Variants in MB21D2 observed in about 807,000 individuals in gnomAD.
MB21D2 encodes the protein nucleotidyltransferase MB21D2.
Under a neutral mutation model 33.3 loss-of-function variants are expected in MB21D2, and 9 were observed. The observed-to-expected ratio is 0.27, with a 90% CI of 0.16 to 0.47. The LOEUF is 0.47. Among genes scored for constraint, MB21D2 ranks in the 20% least tolerant of loss-of-function variants. MB21D2 has a pLI of 0.99. For synonymous variants in MB21D2, 241 were observed against 236.3 expected (o/e 1.02, Z -0.18); for missense variants, 540 against 624.6 (o/e 0.86, Z 1.44).
At chr3:192,877,554 G>C (rs1345948253) in intron 1 of MB21D2, among the ~76,000 whole-genome samples, 1 of 152,140 alleles carries the variant, frequency 6.6e-6, no homozygotes, top group African/African-American at 2.4e-5. Flanking sequence ...TTGGCCACCA[G>C]TGTCAGTGAC....
chr3:192,821,844 A>G (rs1024549271), intron 1 of MB21D2, among the ~76,000 whole-genome samples: 1 of 152,176 alleles, frequency 6.6e-6, no homozygotes, highest in African/African-American at 2.4e-5. Context: ...ACAGGGAGGC[A>G]GCAAGAGGCA....
intron 1 of MB21D2, among the ~76,000 whole-genome samples, chr3:192,829,569 A>C (rs945081005): frequency 5.9e-5 from 9 of 152,196 alleles, no homozygotes; most frequent in African/African-American, 2.2e-4. Context: ...TCAATGCCTC[A>C]TGTGTGCATT....
chr3:192,822,151 C>A (rs1167039476), intron 1 of MB21D2, among the ~76,000 whole-genome samples: 1 of 150,248 alleles, frequency 6.7e-6, no homozygotes, highest in Non-Finnish European at 1.5e-5. Context: ...ATTAAATGTG[C>A]CACAAACAAG....
In MB21D2 at chr3:192,824,492, AAAATAAATAAAT is replaced by A. The variant is rs61642372; in HGVS notation, c.212-24854_212-24843del. 2.2e-3 allele frequency among the ~76,000 whole-genome samples: 320 copies of A among 147,588 alleles called. 1 individual carries two copies. The highest frequency in any genetic ancestry group is 6.4e-3 in the African/African-American group (255 of 39,786). ...TAGCCATTACATGGTCTGATTTCTG[AAAATAAATAAAT>A]AAATAAATAAATAAATAAATAAATA... is the stretch of plus-strand genomic sequence containing the variant. On this transcript the variant is annotated intron_variant, in intron 1 of 1. Coordinates refer to ENST00000392452, the MANE Select transcript of MB21D2 (RefSeq NM_178496.4).
At chr3:192,824,627 A>G (rs1164085163) in intron 1 of MB21D2, among the ~76,000 whole-genome samples, 2 of 152,240 alleles carry the variant, frequency 1.3e-5, no homozygotes, top group Non-Finnish European at 2.9e-5. Context: ...AGCTGTTTAT[A>G]AAGAGGCGCT....
intron 1 of MB21D2, among the ~76,000 whole-genome samples, chr3:192,872,352 A>G (rs6802575): frequency 0.61 from 93,279 of 151,876 alleles, 30,609 homozygotes; most frequent in African/African-American, 0.85. Context: ...CGAGGCGGGC[A>G]GATCACGAGG....
Position 192,799,054 on chromosome 3 carries a change from C to T in MB21D2, c.808G>A (p.Gly270Arg), listed in dbSNP as rs546475243. 2 of 1,614,068 alleles carry T rather than the reference C, an allele frequency of 1.2e-6. No individual in the cohort carries two copies. The highest frequency in any genetic ancestry group is 4.5e-5 in the East Asian group (2 of 44,852). The stretch of plus-strand genomic sequence containing the variant: ...GAGCAAGCAGGCACCAAGTAAAACC[C>T]ACTGATGACCTCTTCCTCAGTAATC... ...GKITEEEVIS[G>R]FYLVPACSYK... Residue 270 changes from glycine (G) to arginine (R), a missense_variant, in exon 2 of 2, where the codon GGG (glycine) becomes AGG (arginine). By Grantham distance (125) the Gly-to-Arg change is moderately radical (BLOSUM62 -2). Coordinates refer to ENST00000392452, the MANE Select transcript of MB21D2 (RefSeq NM_178496.4). The surrounding 1 kb of genome is among the most constrained non-coding windows in gnomAD (Gnocchi z 4.1).
chr3:192,864,992 A>G (rs752044372), intron 1 of MB21D2, among the ~76,000 whole-genome samples: 5 of 152,212 alleles, frequency 3.3e-5, no homozygotes, highest in Non-Finnish European at 5.9e-5. Context: ...GACAGAAGAC[A>G]TCTCAGATGG....
At chr3:192,812,112 A>G (rs1034100769) in intron 1 of MB21D2, among the ~76,000 whole-genome samples, 2 of 152,028 alleles carry the variant, frequency 1.3e-5, no homozygotes, top group Non-Finnish European at 2.9e-5. Context: ...TAGTGGCACA[A>G]TCTTGGCTCA....
chr3:192,811,462 A>T (rs73060239), intron 1 of MB21D2, among the ~76,000 whole-genome samples: 1,710 of 152,266 alleles, frequency 0.011, 28 homozygotes, highest in African/African-American at 0.039. Context: ...AGGAGCCTGG[A>T]AGCCTAAGCT....
In MB21D2 at chr3:192,884,364, G is replaced by A. The variant is rs983413272; in HGVS notation, c.211+33266C>T. ...GAGACTCAGGTAGGTGGAGGTGCAT[G>A]TCTTTTTTGTTGTTGTTGTTGAGAC... On this transcript the variant is annotated intron_variant, in intron 1 of 1. Coordinates refer to ENST00000392452, the MANE Select transcript of MB21D2 (RefSeq NM_178496.4). Among the ~76,000 whole-genome samples the A allele has an allele frequency of 2.6e-5, 4 of 151,984 alleles. No homozygotes were observed. The East Asian group carries it at 7.7e-4, about 29-fold the overall frequency.
At chr3:192,814,944 T>G (rs1015904949) in intron 1 of MB21D2, among the ~76,000 whole-genome samples, 4 of 152,000 alleles carry the variant, frequency 2.6e-5, no homozygotes, top group Non-Finnish European at 5.9e-5. Context: ...CTTTGAGAGA[T>G]GGCTTCTTTC....
At chr3:192,906,622 C>T (rs533056680) in intron 1 of MB21D2, among the ~76,000 whole-genome samples, 35 of 152,320 alleles carry the variant, frequency 2.3e-4, no homozygotes, top group Non-Finnish European at 4.4e-4. Flanking sequence ...TCACTCTATC[C>T]TACCCAGCTG....
intron 1 of MB21D2, among the ~76,000 whole-genome samples, chr3:192,820,940 A>G (rs571209411): frequency 6.6e-6 from 1 of 151,840 alleles, no homozygotes; most frequent in South Asian, 2.1e-4. Flanking sequence ...TTTTTTATAT[A>G]TATTTTTTGT....
intron 1 of MB21D2, 21 bp downstream of exon 1, chr3:192,917,609 C>G: frequency 6.2e-7 from 1 of 1,612,422 alleles, no homozygotes; most frequent in Non-Finnish European, 8.5e-7. Context: ...GCACACACAC[C>G]TCCCCCTTTT....
chr3:192,846,148 C>A (rs1250388174), intron 1 of MB21D2, among the ~76,000 whole-genome samples: 1 of 152,230 alleles, frequency 6.6e-6, no homozygotes, highest in African/African-American at 2.4e-5. Context: ...GATTAAATGT[C>A]CAATCTTCTG....
intron 1 of MB21D2, among the ~76,000 whole-genome samples, chr3:192,805,383 T>C (rs978948494): frequency 3.9e-5 from 6 of 152,212 alleles, no homozygotes; most frequent in Admixed American, 2.0e-4. Flanking sequence ...TCTGAGTTAT[T>C]AGTACTCACA....
chr3:192,829,714 T>G (rs1269759003), intron 1 of MB21D2, among the ~76,000 whole-genome samples: 5 of 152,102 alleles, frequency 3.3e-5, no homozygotes. Context: ...TGTTTATGTT[T>G]GTATGTATGT....
intron 1 of MB21D2, among the ~76,000 whole-genome samples, chr3:192,852,111 G>T (rs1712819545): frequency 1.3e-5 from 2 of 152,208 alleles, no homozygotes; most frequent in Admixed American, 1.3e-4. Context: ...GCCAACAGGG[G>T]AAATGATCAG....
Sources: gnomAD v4.1 joint callset for allele counts (sites outside exome capture counted in the v4.1 genomes callset) on GRCh38, gnomAD v4.1.1 for gene constraint, Gnocchi (gnomAD v3.1) non-coding constraint, MANE v1.5 for transcripts, NCBI Gene and HGNC (gene_info 2026-07-23, HGNC 2026-07-21) for gene names.